PEX2: variants seen among roughly 807,000 people sequenced by gnomAD.
PEX2 encodes peroxisomal biogenesis factor 2, also known as peroxisome biogenesis factor 2.
Under a neutral mutation model 25.2 loss-of-function variants are expected in PEX2, and 19 were observed. The observed-to-expected ratio is 0.75, with a 90% CI of 0.53 to 1.10. PEX2 has a LOEUF of 1.10. PEX2 is among the 50% of genes least tolerant of loss of function. PEX2 has a pLI of 0.00. For synonymous variants in PEX2, 141 were observed against 127.7 expected, an observed-to-expected ratio of 1.10 and a Z score of -0.70; for missense variants, 347 against 350.6, an observed-to-expected ratio of 0.99 and a Z score of 0.08.
intron 1 of PEX2, among the ~76,000 whole-genome samples, chr8:76,998,583 A>C (rs1451519397): frequency 6.6e-6 from 1 of 152,224 alleles, no homozygotes; most frequent in African/African-American, 2.4e-5. Context: ...TAATTATCCC[A>C]AAAACCAGAA....
At chr8:76,986,323 A>G (rs1377907526) in intron 2 of PEX2, 27 bp from the exon 3 acceptor site, 2 of 152,216 alleles carry the variant, frequency 1.3e-5, no homozygotes, top group East Asian at 3.9e-4. Flanking sequence ...ATAAAGTTTA[A>G]AAGGGAGTTC....
At chr8:77,000,332 C>T, upstream of PEX2, 1 of 253,082 alleles carries the variant, frequency 4.0e-6, no homozygotes, top group Non-Finnish European at 7.8e-6. Context: ...AGTCACGAAC[C>T]GGTCAGCCCC....
intron 1 of PEX2, among the ~76,000 whole-genome samples, chr8:76,996,875 G>A (rs1807348392): frequency 6.6e-6 from 1 of 152,172 alleles, no homozygotes; most frequent in Non-Finnish European, 1.5e-5. Flanking sequence ...ATTAAGGCTT[G>A]AGAAGATTAA....
intron 1 of PEX2, among the ~76,000 whole-genome samples, chr8:76,998,827 A>G (rs551218874): frequency 6.6e-6 from 1 of 152,216 alleles, no homozygotes; most frequent in East Asian, 1.9e-4. Flanking sequence ...TCTAAAAATA[A>G]GGAGAATACG....
chr8:76,992,082 C>T (rs1807188026), intron 1 of PEX2, among the ~76,000 whole-genome samples: 1 of 152,122 alleles, frequency 6.6e-6, no homozygotes, highest in Non-Finnish European at 1.5e-5. Context: ...AACATAATGT[C>T]ACCCTTATGT....
At chr8:76,987,782 A>G (rs977926650) in intron 2 of PEX2, 1 of 152,218 alleles carries the variant, frequency 6.6e-6, no homozygotes, top group African/African-American at 2.4e-5. Flanking sequence ...ATAAGCCAAG[A>G]AAAACTGACT....
At chr8:76,998,817 TCTAAAAA>T (rs1297790783) in intron 1 of PEX2, among the ~76,000 whole-genome samples, 2 of 152,148 alleles carry the variant, frequency 1.3e-5, no homozygotes, top group African/African-American at 4.8e-5. Context: ...AACACTAGTT[TCTAAAAA>T]TAAGGAGAAT....
intron 1 of PEX2, chr8:76,999,762 T>C (rs1398454152): frequency 2.2e-6 from 1 of 448,024 alleles, no homozygotes; most frequent in Admixed American, 2.4e-5. Flanking sequence ...GTGTGTGTGT[T>C]TATTTTTAAT....
chr8:76,996,478 A>G (rs1029590166), intron 1 of PEX2, among the ~76,000 whole-genome samples: 7 of 152,310 alleles, frequency 4.6e-5, no homozygotes, highest in African/African-American at 1.7e-4. Context: ...GGCTACCTTA[A>G]AGAGGCCAAG....
intron 1 of PEX2, among the ~76,000 whole-genome samples, chr8:76,990,073 C>G (rs1048601387): frequency 6.6e-6 from 1 of 152,222 alleles, no homozygotes; most frequent in African/African-American, 2.4e-5. Context: ...GGATAACTTG[C>G]TGCAGCTCTG....
Position 76,980,899 on chromosome 8 carries a change from C to T in PEX2, c.*2362G>A, listed in dbSNP as rs1045224272. On this transcript the variant is annotated 3_prime_UTR_variant, in exon 4 of 4. Transcript: ENST00000357039. ...ATGTGGCACATTGCCCTAGGTTATA[C>T]ACAAGTGGGATTTGAATTCTAGCGG... The T allele has an allele frequency of 6.6e-6, 1 of 152,188 alleles. No individual in the cohort carries two copies. Among genetic ancestry groups the T allele is most frequent in the African/African-American group, 2.4e-5 (1 of 41,428 alleles). 9.4% of individuals were successfully genotyped at this position (152,188 alleles called of 1,614,324 possible).
intron 1 of PEX2, among the ~76,000 whole-genome samples, chr8:76,994,988 A>T (rs1456814485): frequency 6.6e-6 from 1 of 152,194 alleles, no homozygotes; most frequent in Admixed American, 6.5e-5. Context: ...GACGTGCATC[A>T]AAGAGGGATT....
At chr8:76,987,492 G>A (rs1374663731) in intron 2 of PEX2, among the ~76,000 whole-genome samples, 1 of 152,136 alleles carries the variant, frequency 6.6e-6, no homozygotes. Context: ...AAGCTGAGGA[G>A]GCTGTATTTT....
In PEX2 at chr8:76,981,681, T is replaced by G. The variant is rs1434528768; in HGVS notation, c.*1580A>C. ...TTATAATAATTTTGTAAATAAGAAA[T>G]GTACGTGCAACAAATCTACAAATAT... is the stretch of plus-strand genomic sequence containing the variant. On this transcript the variant is annotated 3_prime_UTR_variant, in exon 4 of 4. Transcript: ENST00000357039. 2 of 152,126 alleles carry G rather than the reference T, an allele frequency of 1.3e-5. No homozygotes were observed. Among genetic ancestry groups the G allele is most frequent in the Non-Finnish European group, 2.9e-5 (2 of 68,020 alleles). The allele number at this position is 152,126 out of a possible 1,614,324, so 9.4% of individuals were successfully genotyped here.
Position 76,980,661 on chromosome 8 carries a change from T to A in PEX2, c.*2600A>T, listed in dbSNP as rs1806791344. 2.0e-5 allele frequency: 3 copies of A among 152,254 alleles called. No homozygotes were observed. Among genetic ancestry groups the A allele is most frequent in the Admixed American group, 2.0e-4 (3 of 15,286 alleles). 9.4% of individuals were successfully genotyped at this position (152,254 alleles called of 1,614,324 possible). On this transcript the variant is annotated 3_prime_UTR_variant, in exon 4 of 4. Transcript: ENST00000357039. ...TAGCTGTAACTATTAGGCAAGAGTATCTCATGCCAGTGGGATCAGAAAGCT... is the reference window on the plus strand; with the variant it reads ...TAGCTGTAACTATTAGGCAAGAGTAACTCATGCCAGTGGGATCAGAAAGCT...
At chr8:76,998,542 CTG>C (rs1807402182) in intron 1 of PEX2, among the ~76,000 whole-genome samples, 2 of 152,144 alleles carry the variant, frequency 1.3e-5, no homozygotes, top group South Asian at 4.1e-4. Context: ...TTTTTAAAAA[CTG>C]TAATAAATGT....
At chr8:76,985,431 T>C (rs1806975220) in intron 3 of PEX2, among the ~76,000 whole-genome samples, 1 of 152,154 alleles carries the variant, frequency 6.6e-6, no homozygotes, top group African/African-American at 2.4e-5. Context: ...CTTTGAAATT[T>C]GCCAAGAGCA....
intron 1 of PEX2, among the ~76,000 whole-genome samples, chr8:76,998,126 G>T (rs949690123): frequency 4.6e-5 from 7 of 152,186 alleles, no homozygotes; most frequent in South Asian, 2.1e-4. Context: ...AATAAAGATT[G>T]TGTACATTCA....
At position 76,980,669 on chromosome 8, in the gene PEX2, C is replaced by A. The variant is rs1586066805; in HGVS notation, c.*2592G>T. The A allele has an allele frequency of 6.6e-6, 1 of 152,304 alleles. No individual in the cohort carries two copies. Among genetic ancestry groups the A allele is most frequent in the Middle Eastern group, 3.4e-3 (1 of 294 alleles). The allele number at this position is 152,304 out of a possible 1,614,324, so 9.4% of individuals were successfully genotyped here. ...ACTATTAGGCAAGAGTATCTCATGCCAGTGGGATCAGAAAGCTAGCAGATT... is the reference window on the plus strand; with the variant it reads ...ACTATTAGGCAAGAGTATCTCATGCAAGTGGGATCAGAAAGCTAGCAGATT... On this transcript the variant is annotated 3_prime_UTR_variant, in exon 4 of 4. Transcript: ENST00000357039.
Sources: allele counts gnomAD v4.1 joint callset (sites outside exome capture counted in the v4.1 genomes callset), GRCh38; gene constraint gnomAD v4.1.1; transcripts MANE v1.5; gene names NCBI Gene and HGNC (gene_info 2026-07-23, HGNC 2026-07-21).